The following DLGAP2 variants were observed in gnomAD, a reference collection of about 807,000 sequenced individuals.
DLGAP2 encodes DLG associated protein 2.
A neutral mutation model predicts 100.3 loss-of-function variants in DLGAP2; 26 were observed. The ratio of observed to expected loss-of-function variants is 0.26; its 90% CI spans 0.19 to 0.36. The LOEUF (loss-of-function observed/expected upper bound fraction) is 0.36, where lower values mean the gene tolerates loss of function less well. DLGAP2 is among the 10% of genes least tolerant of loss of function. The pLI, the probability that DLGAP2 is intolerant of heterozygous loss-of-function variation, is 1.00. For missense variants in DLGAP2, 1,858 were observed against 1,453.2 expected (o/e 1.28, Z -4.53); for synonymous variants, 886 against 630.1 (o/e 1.41, Z -6.08).
chr8:812,644 T>C (rs1360134849), intron 1 of DLGAP2, among the ~76,000 whole-genome samples: 1 of 152,336 alleles, frequency 6.6e-6, no homozygotes, highest in African/African-American at 2.4e-5. Flanking sequence ...TATTATAAAC[T>C]AATCAAATAG....
chr8:904,544 G>A (rs1798335607), intron 1 of DLGAP2, among the ~76,000 whole-genome samples: 2 of 152,158 alleles, frequency 1.3e-5, no homozygotes, highest in Non-Finnish European at 2.9e-5. Context: ...TGCATGTGAC[G>A]GCCCCAGTGG....
At chr8:1,287,151 T>TGTGTGTGTGTGC (rs1799940111) in intron 3 of DLGAP2, among the ~76,000 whole-genome samples, 2 of 132,092 alleles carry the variant, frequency 1.5e-5, no homozygotes. Context: ...TGTGTGTGTG[T>TGTGTGTGTGTGC]GTGTGTGCGC....
At chr8:1,667,988 G>A (rs146455630) in intron 8 of DLGAP2, among the ~76,000 whole-genome samples, 4 of 152,052 alleles carry the variant, frequency 2.6e-5, no homozygotes, top group Non-Finnish European at 4.4e-5. Context: ...CCACACCTGC[G>A]CACTGTCCTG....
intron 3 of DLGAP2, among the ~76,000 whole-genome samples, chr8:1,275,890 T>TAATATATAAATATATATAATATATAAATA (rs1563056389): frequency 5.7e-5 from 7 of 123,384 alleles, no homozygotes; most frequent in African/African-American, 2.3e-4. Context: ...AATAAATATA[T>TAATATATAAATATATATAATATATAAATA]AATATATAAA....
At chr8:1,526,757 G>C (rs1800808168) in intron 4 of DLGAP2, among the ~76,000 whole-genome samples, 1 of 152,176 alleles carries the variant, frequency 6.6e-6, no homozygotes, top group Admixed American at 6.5e-5. Flanking sequence ...AGCTGCAGTG[G>C]TGTGAGCTAC....
chr8:1,305,318 G>A (rs773209332), intron 3 of DLGAP2, among the ~76,000 whole-genome samples: 2 of 152,192 alleles, frequency 1.3e-5, no homozygotes, highest in Admixed American at 6.5e-5. Flanking sequence ...TGTTGTTTCT[G>A]GGATATTGTG....
chr8:1,638,603 G>A (rs1050118962), intron 8 of DLGAP2, among the ~76,000 whole-genome samples: 1 of 152,164 alleles, frequency 6.6e-6, no homozygotes, highest in African/African-American at 2.4e-5. Context: ...GGATGAGGCC[G>A]GGCTGTGCCA....
At chr8:1,292,376 C>G (rs1350895217) in intron 3 of DLGAP2, among the ~76,000 whole-genome samples, 1 of 152,206 alleles carries the variant, frequency 6.6e-6, no homozygotes, top group African/African-American at 2.4e-5. Flanking sequence ...CTGGAAACAG[C>G]TCATCCTGCC....
intron 6 of DLGAP2, among the ~76,000 whole-genome samples, chr8:1,622,941 G>C (rs1797384739): frequency 6.6e-6 from 1 of 152,136 alleles, no homozygotes; most frequent in South Asian, 2.1e-4. Context: ...TCACCTGGCG[G>C]GGCCACCGGA....
intron 2 of DLGAP2, among the ~76,000 whole-genome samples, chr8:1,075,625 G>T (rs1221434703): frequency 6.6e-6 from 1 of 152,202 alleles, no homozygotes; most frequent in Non-Finnish European, 1.5e-5. Context: ...GTCTTTGTAT[G>T]TGACGTCCTT....
intron 4 of DLGAP2, among the ~76,000 whole-genome samples, chr8:1,532,124 G>A (rs1801006595): frequency 6.6e-6 from 1 of 152,222 alleles, no homozygotes; most frequent in South Asian, 2.1e-4. Context: ...GTCTCAGTGA[G>A]CAGAGGGATG....
intron 2 of DLGAP2, among the ~76,000 whole-genome samples, chr8:1,243,322 A>G (rs1563276009): frequency 6.6e-6 from 1 of 152,084 alleles, no homozygotes; most frequent in African/African-American, 2.4e-5. Context: ...CTGCTCTGCG[A>G]GGTCTTGGCA....
intron 4 of DLGAP2, among the ~76,000 whole-genome samples, chr8:1,542,883 G>T (rs532009872): frequency 2.0e-5 from 3 of 152,274 alleles, no homozygotes; most frequent in Non-Finnish European, 4.4e-5. Context: ...CTTTGGAACT[G>T]TGTCCTTTTC....
At chr8:1,122,241 T>A (rs1178186820) in intron 2 of DLGAP2, among the ~76,000 whole-genome samples, 1 of 152,216 alleles carries the variant, frequency 6.6e-6, no homozygotes, top group Admixed American at 6.5e-5. Flanking sequence ...GTGACCCTGT[T>A]TCTCCTCTTC....
intron 1 of DLGAP2, among the ~76,000 whole-genome samples, chr8:839,988 G>C (rs902578303): frequency 6.7e-6 from 1 of 150,206 alleles, no homozygotes; most frequent in Non-Finnish European, 1.5e-5. Flanking sequence ...GCGTCCACAC[G>C]GTGCACGCCT....
intron 2 of DLGAP2, among the ~76,000 whole-genome samples, chr8:1,220,190 G>C (rs367713123): frequency 6.6e-6 from 1 of 151,978 alleles, no homozygotes; most frequent in Admixed American, 6.6e-5. Context: ...GTTTCTTTAG[G>C]TGTGGTGTTA....
chr8:1,650,409 A>G (rs912782184), intron 8 of DLGAP2, among the ~76,000 whole-genome samples: 1 of 152,246 alleles, frequency 6.6e-6, no homozygotes, highest in Non-Finnish European at 1.5e-5. Context: ...TCTCTTCTAA[A>G]TATTGACAGC....
intron 2 of DLGAP2, among the ~76,000 whole-genome samples, chr8:1,228,648 TAATG>T (rs991088082): frequency 9.2e-5 from 14 of 152,324 alleles, no homozygotes; most frequent in African/African-American, 3.4e-4. Flanking sequence ...GCAAATCAAT[TAATG>T]CAATGCAACA....
In DLGAP2 at chr8:1,652,805, G is replaced by GTTAT. The variant is rs560918489; in HGVS notation, c.1811-15524_1811-15523insTTAT. Among the ~76,000 whole-genome samples the GTTAT allele has an allele frequency of 4.6e-3, 693 of 152,274 alleles. 7 individuals are homozygous for GTTAT. The highest frequency in any genetic ancestry group is 0.015 in the African/African-American group (643 of 41,546). ...GAGACAGACAGTAATGAGACCAGCT[G>GTTAT]GCGAACCAAAATGTTATGAGCAGTT... is the stretch of plus-strand genomic sequence containing the variant. On this transcript the variant is annotated intron_variant, in intron 8 of 14. Coordinates refer to ENST00000637795, the MANE Select transcript of DLGAP2 (RefSeq NM_001346810.2).
Sources: allele counts gnomAD v4.1 joint callset (sites outside exome capture counted in the v4.1 genomes callset), GRCh38; gene constraint gnomAD v4.1.1; transcripts MANE v1.5; gene names NCBI Gene and HGNC (gene_info 2026-07-23, HGNC 2026-07-21).